The following CTNNA3 variants were observed in gnomAD, a reference collection of about 807,000 sequenced individuals.
CTNNA3 encodes catenin alpha 3, also known as catenin alpha-3.
CTNNA3 carries 76 observed loss-of-function variants against 95.7 expected under a neutral mutation model. The observed-to-expected ratio is 0.79, with a 90% CI of 0.66 to 0.96. The LOEUF is 0.96. Among genes scored for constraint, CTNNA3 ranks in the 40% least tolerant of loss-of-function variants. The pLI, the probability that CTNNA3 is intolerant of heterozygous loss-of-function variation, is 0.00. For synonymous variants in CTNNA3, 431 were observed against 374.4 expected, an observed-to-expected ratio of 1.15 and a Z score of -1.74; for missense variants, 1,191 against 1,089.8, an observed-to-expected ratio of 1.09 and a Z score of -1.31.
chr10:67,120,336 C>T (rs921386178), intron 7 of CTNNA3, among the ~76,000 whole-genome samples: 1 of 151,880 alleles, frequency 6.6e-6, no homozygotes, highest in African/African-American at 2.4e-5. Flanking sequence ...ATCCAAACTA[C>T]ATGGCATTAG....
intron 12 of CTNNA3, among the ~76,000 whole-genome samples, chr10:66,286,445 C>T (rs1371580759): frequency 1.3e-5 from 2 of 151,978 alleles, no homozygotes; most frequent in Non-Finnish European, 2.9e-5. Context: ...ACTCACCATC[C>T]TATTGCTCAA....
At chr10:67,436,633 AT>A (rs1330762856) in intron 5 of CTNNA3, among the ~76,000 whole-genome samples, 5 of 152,150 alleles carry the variant, frequency 3.3e-5, no homozygotes, top group Non-Finnish European at 7.4e-5. Flanking sequence ...TAAGAAAAAA[AT>A]AAACAATCCC....
chr10:67,159,051 C>T lies in CTNNA3; in HGVS notation c.1047+21266G>A, dbSNP rs140518197. On this transcript the variant is annotated intron_variant, in intron 7 of 17. Coordinates refer to ENST00000433211, the MANE Select transcript of CTNNA3 (RefSeq NM_013266.4). ...TGAAACCAGGCCTGGGCCTGCCTGGCCTAAACCCAGTAGTTAAAAATCAAC... is the reference window on the plus strand; with the variant it reads ...TGAAACCAGGCCTGGGCCTGCCTGGTCTAAACCCAGTAGTTAAAAATCAAC... Among the ~76,000 whole-genome samples, 1,517 of 152,182 alleles carry T rather than the reference C, an allele frequency of 1.0e-2. 72 individuals carry two copies. In the East Asian group the frequency reaches 0.14, roughly 14 times the overall value.
intron 9 of CTNNA3, among the ~76,000 whole-genome samples, chr10:66,625,187 T>C (rs1450946948): frequency 6.6e-6 from 1 of 152,160 alleles, no homozygotes; most frequent in Non-Finnish European, 1.5e-5. Flanking sequence ...ATCCCTCTCT[T>C]GCAGCTCTTT....
chr10:65,943,149 C>T (rs1365449855), intron 17 of CTNNA3, among the ~76,000 whole-genome samples: 5 of 151,450 alleles, frequency 3.3e-5, no homozygotes, highest in African/African-American at 1.2e-4. Context: ...CTGCAAGCTC[C>T]GCCTCCTGGG....
intron 13 of CTNNA3, among the ~76,000 whole-genome samples, chr10:66,228,869 AATTT>A (rs1445945345): frequency 1.3e-5 from 2 of 152,086 alleles, no homozygotes; most frequent in Admixed American, 6.5e-5. Flanking sequence ...CTTCTTGCTG[AATTT>A]ATTTATCATT....
intron 16 of CTNNA3, among the ~76,000 whole-genome samples, chr10:65,988,359 AAAAG>A (rs1177136315): frequency 1.3e-5 from 2 of 152,252 alleles, no homozygotes; most frequent in East Asian, 1.9e-4. Flanking sequence ...ACACAACCAA[AAAAG>A]AAAGAAAGAA....
chr10:66,500,675 G>C (rs1840250128), intron 11 of CTNNA3, among the ~76,000 whole-genome samples: 1 of 152,072 alleles, frequency 6.6e-6, no homozygotes, highest in African/African-American at 2.4e-5. Context: ...CATGGCATGG[G>C]AATTTAATGT....
At chr10:66,433,411 T>G (rs1589243263) in intron 11 of CTNNA3, among the ~76,000 whole-genome samples, 1 of 152,146 alleles carries the variant, frequency 6.6e-6, no homozygotes. Context: ...GATAACAAGC[T>G]TTTTTTCATG....
At chr10:66,304,852 A>C (rs2091911424) in intron 12 of CTNNA3, among the ~76,000 whole-genome samples, 1 of 152,202 alleles carries the variant, frequency 6.6e-6, no homozygotes, top group Admixed American at 6.5e-5. Context: ...AAGGTTAAGT[A>C]CATAGATATT....
chr10:66,120,986 T>G (rs918160066), intron 13 of CTNNA3, among the ~76,000 whole-genome samples: 1 of 152,080 alleles, frequency 6.6e-6, no homozygotes, highest in Non-Finnish European at 1.5e-5. Context: ...AGGCCAATGG[T>G]TTTCATACAT....
chr10:66,905,565 C>T lies in CTNNA3; in HGVS notation c.1048-130041G>A, dbSNP rs573954305. On this transcript the variant is annotated intron_variant, in intron 7 of 17. Coordinates refer to ENST00000433211, the MANE Select transcript of CTNNA3 (RefSeq NM_013266.4). ...GATCTTGAAGAGATATCTGCCCTCC[C>T]ATGTTAATTGCAGCAATATTCGTAA... Among the ~76,000 whole-genome samples the T allele has an allele frequency of 1.6e-4, 25 of 152,140 alleles. No homozygotes were observed. In the East Asian group the frequency reaches 4.6e-3, roughly 28 times the overall value.
intron 13 of CTNNA3, among the ~76,000 whole-genome samples, chr10:66,142,373 A>G (rs1425252808): frequency 6.6e-6 from 1 of 151,986 alleles, no homozygotes; most frequent in Admixed American, 6.6e-5. Flanking sequence ...TTATTTGTCT[A>G]TTATTTGACC....
chr10:66,420,378 C>G (rs973607728), intron 11 of CTNNA3, among the ~76,000 whole-genome samples: 1 of 152,002 alleles, frequency 6.6e-6, no homozygotes, highest in Non-Finnish European at 1.5e-5. Flanking sequence ...TTTTATTTTT[C>G]TACCCAATTG....
At chr10:66,113,288 A>G (rs1051903691) in intron 13 of CTNNA3, among the ~76,000 whole-genome samples, 5 of 152,152 alleles carry the variant, frequency 3.3e-5, no homozygotes, top group Non-Finnish European at 5.9e-5. Flanking sequence ...CATGCATAGA[A>G]GTGTGTCAGT....
chr10:67,421,698 C>A (rs944703787), intron 5 of CTNNA3, among the ~76,000 whole-genome samples: 1 of 151,898 alleles, frequency 6.6e-6, no homozygotes, highest in African/African-American at 2.4e-5. Flanking sequence ...TTTTTCATCA[C>A]GAAATGAAAG....
chr10:66,774,150 G>T (rs557190051), intron 8 of CTNNA3, among the ~76,000 whole-genome samples: 15 of 152,204 alleles, frequency 9.9e-5, no homozygotes, highest in Non-Finnish European at 1.9e-4. Flanking sequence ...TAATGTTGTT[G>T]AAGGCAATAT....
At chr10:67,668,321 A>G (rs1284482368) in intron 1 of CTNNA3, among the ~76,000 whole-genome samples, 2 of 152,176 alleles carry the variant, frequency 1.3e-5, no homozygotes, top group African/African-American at 2.4e-5. Context: ...TGAATTTTCA[A>G]TATATTTTAT....
chr10:67,109,213 C>T (rs922445257), intron 7 of CTNNA3, among the ~76,000 whole-genome samples: 2 of 152,006 alleles, frequency 1.3e-5, no homozygotes, highest in African/African-American at 4.8e-5. Flanking sequence ...TATGTAGAGT[C>T]TTTTGTCTTT....
Sources: allele counts gnomAD v4.1 joint callset (sites outside exome capture counted in the v4.1 genomes callset), GRCh38; gene constraint gnomAD v4.1.1; transcripts MANE v1.5; gene names NCBI Gene and HGNC (gene_info 2026-07-23, HGNC 2026-07-21).